The following GKAP1 variants were observed in gnomAD, a reference collection of about 807,000 sequenced individuals.
GKAP1 encodes G kinase-anchoring protein 1.
In GKAP1, 31 loss-of-function variants were observed where a neutral mutation model predicts 56.7. The observed-to-expected ratio is 0.55, with a 90% CI of 0.41 to 0.74. The LOEUF is 0.74. Ranked by LOEUF, GKAP1 falls within the 30% of genes least tolerant of loss-of-function variation. GKAP1 has a pLI of 0.00. For synonymous variants in GKAP1, 151 were observed against 138.6 expected, an observed-to-expected ratio of 1.09 and a Z score of -0.63; for missense variants, 364 against 402.3, an observed-to-expected ratio of 0.90 and a Z score of 0.82.
At position 83,740,462 on chromosome 9, in the gene GKAP1, T is replaced by G. The variant is rs547594381; in HGVS notation, c.1054-718A>C. 6.8e-4 allele frequency among the ~76,000 whole-genome samples: 104 copies of G among 152,166 alleles called. 1 individual carries two copies. The highest frequency in any genetic ancestry group is 2.5e-3 in the African/African-American group (104 of 41,528). On this transcript the variant is annotated intron_variant, in intron 12 of 12. Coordinates refer to ENST00000376371, the MANE Select transcript of GKAP1 (RefSeq NM_025211.4). Reference sequence around the variant, plus strand: ...AAGTACAAACATGCAAAGAATAAAATTAAAATCATCAATAGCTACTCTACC... The same window carrying G: ...AAGTACAAACATGCAAAGAATAAAAGTAAAATCATCAATAGCTACTCTACC...
intron 3 of GKAP1, among the ~76,000 whole-genome samples, chr9:83,802,365 G>C (rs1411959190): frequency 1.5e-5 from 2 of 131,184 alleles, no homozygotes; most frequent in Non-Finnish European, 3.3e-5. Flanking sequence ...TGTAGTCCCA[G>C]CTACTCGAGA....
At chr9:83,799,630 T>A (rs905738928) in intron 3 of GKAP1, among the ~76,000 whole-genome samples, 1 of 151,918 alleles carries the variant, frequency 6.6e-6, no homozygotes, top group Non-Finnish European at 1.5e-5. Flanking sequence ...TTTATAGGAG[T>A]AGAAAACAGT....
intron 8 of GKAP1, among the ~76,000 whole-genome samples, chr9:83,766,778 A>T (rs1373793424): frequency 2.0e-5 from 3 of 152,234 alleles, no homozygotes; most frequent in Non-Finnish European, 4.4e-5. Flanking sequence ...TAGAAATGAG[A>T]CTATGGCAAA....
At chr9:83,810,515 T>TC (rs1308286817) in intron 2 of GKAP1, among the ~76,000 whole-genome samples, 1 of 152,212 alleles carries the variant, frequency 6.6e-6, no homozygotes, top group African/African-American at 2.4e-5. Context: ...CACATTTTTT[T>TC]CCATCTAGTT....
intron 7 of GKAP1, among the ~76,000 whole-genome samples, chr9:83,779,446 T>TACACACACACACACACAC (rs1451197767): frequency 0.018 from 2,101 of 117,978 alleles, 103 homozygotes; most frequent in East Asian, 0.039. Flanking sequence ...TATATATATA[T>TACACACACACACACACAC]ATACACACAC....
intron 3 of GKAP1, among the ~76,000 whole-genome samples, chr9:83,805,295 C>A (rs867994901): frequency 5.3e-4 from 81 of 152,100 alleles, no homozygotes; most frequent in African/African-American, 1.7e-3. Context: ...CATCACCACT[C>A]CCTAATCTCA....
In GKAP1 at chr9:83,773,246, T is replaced by C. The variant is rs192062402; in HGVS notation, c.586-4276A>G. Among the ~76,000 whole-genome samples, 16 of 152,266 alleles carry C rather than the reference T, an allele frequency of 1.1e-4. No individual in the cohort carries two copies. The East Asian group carries it at 1.7e-3, about 17-fold the overall frequency. On this transcript the variant is annotated intron_variant, in intron 7 of 12. Coordinates refer to ENST00000376371, the MANE Select transcript of GKAP1 (RefSeq NM_025211.4). ...ACAACACGGATATACCTCAAAAACA[T>C]TATGCTAAGTGAAAGAAGCCAAACA...
chr9:83,768,345 T>C (rs1463040546), intron 8 of GKAP1, among the ~76,000 whole-genome samples: 1 of 152,144 alleles, frequency 6.6e-6, no homozygotes, highest in South Asian at 2.1e-4. Context: ...CTATTCATAC[T>C]CCATCCCAAA....
intron 2 of GKAP1, among the ~76,000 whole-genome samples, chr9:83,815,787 G>A (rs1419881392): frequency 1.3e-5 from 2 of 152,052 alleles, no homozygotes; most frequent in East Asian, 3.9e-4. Flanking sequence ...ATATGAAATG[G>A]CACCAAGTAT....
chr9:83,798,619 T>A (rs1220464652), intron 4 of GKAP1, among the ~76,000 whole-genome samples: 1 of 152,152 alleles, frequency 6.6e-6, no homozygotes, highest in African/African-American at 2.4e-5. Context: ...TGAGCTCTGA[T>A]CTTCCCACCT....
chr9:83,785,244 T>G (rs1268282724), intron 5 of GKAP1, among the ~76,000 whole-genome samples: 2 of 151,894 alleles, frequency 1.3e-5, no homozygotes, highest in Middle Eastern at 3.2e-3. Flanking sequence ...CATCTCTTGG[T>G]TTTCTTAATA....
chr9:83,779,426 CATAT>C lies in GKAP1; in HGVS notation c.585+952_585+955del, dbSNP rs141709042. ...AACAAACAAAAAAATGGTCAGAAGC[CATAT>C]ATATATATATATATATATACACACA... On this transcript the variant is annotated intron_variant, in intron 7 of 12. Coordinates refer to ENST00000376371, the MANE Select transcript of GKAP1 (RefSeq NM_025211.4). Among the ~76,000 whole-genome samples the C allele has an allele frequency of 6.5e-3, 608 of 92,880 alleles. 38 individuals carry two copies. Among genetic ancestry groups the C allele is most frequent in the East Asian group, 0.027 (75 of 2,810 alleles). 60.9% of individuals were successfully genotyped at this position (92,880 alleles called of 152,430 possible).
chr9:83,806,371 T>C lies in GKAP1; in HGVS notation c.147A>G (p.Ser49=), dbSNP rs11552026. ...TGKSQTLGSK[S]TTNEKKREKR... Reference sequence around the variant, plus strand: ...TCTCTCTTTTTTTCTCATTTGTAGTTGACTTGCTTCCTAAAGTTTGAGACT... The same window carrying C: ...TCTCTCTTTTTTTCTCATTTGTAGTCGACTTGCTTCCTAAAGTTTGAGACT... The change falls in exon 3 of 13, where the codon TCA becomes TCG. Residue 49 remains serine (S), a synonymous_variant. Coordinates refer to ENST00000376371, the MANE Select transcript of GKAP1 (RefSeq NM_025211.4). 13 of 1,579,688 alleles carry C rather than the reference T, an allele frequency of 8.2e-6. No individual in the cohort carries two copies. The highest frequency in any genetic ancestry group is 1.1e-5 in the Non-Finnish European group (13 of 1,161,660).
chr9:83,807,917 A>C (rs969803930), intron 2 of GKAP1, among the ~76,000 whole-genome samples: 7 of 152,246 alleles, frequency 4.6e-5, no homozygotes, highest in African/African-American at 1.7e-4. Context: ...AAAAATGAGA[A>C]GTATGTATTC....
At chr9:83,741,038 G>C (rs1461122240) in intron 12 of GKAP1, among the ~76,000 whole-genome samples, 3 of 152,036 alleles carry the variant, frequency 2.0e-5, no homozygotes, top group Non-Finnish European at 2.9e-5. Flanking sequence ...TTTATTTCCA[G>C]TTAGCAGAAA....
chr9:83,779,572 CACATAT>C (rs1943932665), intron 7 of GKAP1, among the ~76,000 whole-genome samples: 1 of 95,320 alleles, frequency 1.0e-5, no homozygotes. Flanking sequence ...TATATATACA[CACATAT>C]ATATACACGT....
At chr9:83,790,718 C>T (rs1265557682) in intron 4 of GKAP1, among the ~76,000 whole-genome samples, 1 of 152,012 alleles carries the variant, frequency 6.6e-6, no homozygotes, top group African/African-American at 2.4e-5. Flanking sequence ...GAGGCTGAGG[C>T]AGGAGTATCG....
intron 2 of GKAP1, among the ~76,000 whole-genome samples, chr9:83,810,345 G>A (rs1277196109): frequency 1.3e-5 from 2 of 152,108 alleles, no homozygotes; most frequent in African/African-American, 4.8e-5. Context: ...TGGATAAACT[G>A]ATTTTAAAAT....
chr9:83,795,418 A>G (rs2131307174), intron 4 of GKAP1, among the ~76,000 whole-genome samples: 1 of 152,230 alleles, frequency 6.6e-6, no homozygotes, highest in African/African-American at 2.4e-5. Context: ...GCTGCTACTT[A>G]GAGTTAATTC....
Sources: gnomAD v4.1 joint callset for allele counts (sites outside exome capture counted in the v4.1 genomes callset) on GRCh38, gnomAD v4.1.1 for gene constraint, MANE v1.5 for transcripts, NCBI Gene and HGNC (gene_info 2026-07-23, HGNC 2026-07-21) for gene names.